PPP1R16A: variants seen among roughly 807,000 people sequenced by gnomAD.
PPP1R16A encodes myosin phosphatase-targeting subunit 3.
PPP1R16A carries 39 observed loss-of-function variants against 46.6 expected under a neutral mutation model. The observed-to-expected ratio is 0.84, with a 90% confidence interval of 0.65 to 1.09. The LOEUF (loss-of-function observed/expected upper bound fraction) is 1.09, where lower values mean the gene tolerates loss of function less well. PPP1R16A is among the 50% of genes least tolerant of loss of function. The pLI is 0.00. For missense variants in PPP1R16A, 798 were observed against 735.6 expected (o/e 1.08, Z -0.98); for synonymous variants, 413 against 321.5 (o/e 1.28, Z -3.04).
chr8:144,499,183 AC>A (rs1478760546), intron 5 of PPP1R16A, 122 bp downstream of exon 5: 1 of 1,263,216 alleles, frequency 7.9e-7, no homozygotes, highest in Non-Finnish European at 1.1e-6. Flanking sequence ...ACCTTTGCTG[AC>A]CCTGCCTGTG....
At chr8:144,492,110 T>C (rs1176354927) in intron 2 of PPP1R16A, among the ~76,000 whole-genome samples, 1 of 152,044 alleles carries the variant, frequency 6.6e-6, no homozygotes, top group Non-Finnish European at 1.5e-5. Flanking sequence ...GGGCAGGTGG[T>C]GTGGGGGCAC....
intron 1 of PPP1R16A, among the ~76,000 whole-genome samples, chr8:144,483,514 A>G (rs1479022927): frequency 6.6e-6 from 1 of 151,888 alleles, no homozygotes; most frequent in Non-Finnish European, 1.5e-5. Flanking sequence ...GATTCAAGTG[A>G]TTCTCGTGCC....
intron 1 of PPP1R16A, among the ~76,000 whole-genome samples, chr8:144,482,805 C>T (rs932773645): frequency 1.3e-5 from 2 of 152,116 alleles, no homozygotes; most frequent in African/African-American, 2.4e-5. Flanking sequence ...CCCGCCACCA[C>T]GTCCAGCTGA....
intron 5 of PPP1R16A, chr8:144,499,774 C>T (rs572076740): frequency 2.3e-4 from 78 of 335,016 alleles, no homozygotes; most frequent in African/African-American, 1.5e-3. Context: ...CTGCCTGGTC[C>T]TGCACCCCCG....
chr8:144,498,630 C>A, intron 3 of PPP1R16A, 140 bp from the exon 4 acceptor site: 2 of 796,302 alleles, frequency 2.5e-6, no homozygotes, highest in Non-Finnish European at 3.9e-6. Context: ...GTGCTTCTGC[C>A]CCCACCCCTG....
chr8:144,497,639 G>A, intron 3 of PPP1R16A, 186 bp downstream of exon 3: 1 of 802,654 alleles, frequency 1.2e-6, no homozygotes, highest in Non-Finnish European at 2.1e-6. Flanking sequence ...CCCAAGCAGT[G>A]GGCAGCCCTG....
At chr8:144,482,610 C>A (rs1037616360) in intron 1 of PPP1R16A, among the ~76,000 whole-genome samples, 4 of 151,992 alleles carry the variant, frequency 2.6e-5, no homozygotes, top group Non-Finnish European at 5.9e-5. Flanking sequence ...GCCTCAACCT[C>A]CCGAGTAGCT....
At chr8:144,488,470 T>C (rs909798196) in intron 1 of PPP1R16A, among the ~76,000 whole-genome samples, 1 of 151,870 alleles carries the variant, frequency 6.6e-6, no homozygotes, top group Admixed American at 6.6e-5. Context: ...TCAGGGCTTG[T>C]AGTAGCGAGC....
In PPP1R16A at chr8:144,493,601, C is replaced by T. The variant is rs1286561345; in HGVS notation, c.-734-2860C>T. On this transcript the variant is annotated intron_variant, in intron 2 of 11. Transcript: ENST00000435887. This position sits in a 1 kb window ranked among gnomAD's most constrained non-coding sequence, Gnocchi z 4.3. ...GGAGCCCTCAGCCCACTGCCGTGGG[C>T]CTTCGGCTGGCTGCTTCCTTCTGAG... Among the ~76,000 whole-genome samples the T allele has an allele frequency of 3.9e-5, 6 of 152,146 alleles. No individual in the cohort carries two copies. In the East Asian group the frequency reaches 9.6e-4, roughly 24 times the overall value.
At chr8:144,489,335 G>A (rs1825720905) in intron 1 of PPP1R16A, among the ~76,000 whole-genome samples, 1 of 88,110 alleles carries the variant, frequency 1.1e-5, no homozygotes, top group Non-Finnish European at 2.3e-5. Flanking sequence ...TGGTCTGGGA[G>A]GGGGGTTGGA....
intron 3 of PPP1R16A, 31 bp from the exon 4 acceptor site, chr8:144,498,723 CCTGACCAGGGGCAGGA>C (rs1826233679): frequency 1.3e-6 from 2 of 1,525,944 alleles, no homozygotes; most frequent in Non-Finnish European, 1.8e-6. Context: ...GTTGACAGGA[CCTGACCAGGGGCAGGA>C]CCCTGTCCTC....
chr8:144,499,996 A>C (rs1376631264), intron 5 of PPP1R16A, 100 bp from the exon 6 acceptor site: 17 of 1,250,548 alleles, frequency 1.4e-5, no homozygotes, highest in Non-Finnish European at 1.7e-5. Context: ...CCTGAGGGGC[A>C]GCCCTGGGCT....
In PPP1R16A at chr8:144,498,953, T is replaced by C. The variant is rs1826249847; in HGVS notation, c.368T>C (p.Leu123Pro). The C allele has an allele frequency of 6.2e-7, 1 of 1,612,476 alleles. No individual in the cohort carries two copies. ...GATTTCCGAGAGATGGTGCAGCAGC[T>C]CCTGGAGGCTGGGGCCAACATCAAT... ...IDDFREMVQQ[L>P]LEAGANINAC... Residue 123 changes from leucine to proline, a missense_variant, in exon 5 of 12, where the codon CTC becomes CCC. By Grantham distance (98) the Leu-to-Pro change is moderately conservative. Transcript: ENST00000435887.
Position 144,501,721 on chromosome 8 carries a change from C to T in PPP1R16A, c.1405C>T (p.Gln469Ter), listed in dbSNP as rs1222586221. ...GCGCCAGCGAGCTGCTGCCAAGCTG[C>T]AGCGACCCCCACCTGAGGGGCCCGA... ...LKRQRAAAKL[Q>*]RPPPEGPESP... is the part of the protein sequence containing the mutation. The change falls in exon 12 of 12, where the codon CAG becomes TAG. Residue 469 changes from glutamine (Q) to a stop codon, truncating the protein, a stop_gained. Transcript: ENST00000435887. LOFTEE classifies it low-confidence loss of function (END_TRUNC). 6.3e-7 allele frequency: 1 copy of T among 1,590,690 alleles called. No individual in the cohort carries two copies. Among genetic ancestry groups the T allele is most frequent in the Non-Finnish European group, 8.5e-7 (1 of 1,169,654 alleles).
At chr8:144,491,635 C>T (rs1320884956) in intron 2 of PPP1R16A, among the ~76,000 whole-genome samples, 3 of 151,970 alleles carry the variant, frequency 2.0e-5, no homozygotes, top group African/African-American at 4.8e-5. Flanking sequence ...TGGTGGCAGG[C>T]GCCTGTAGTT....
rs780294492 is a variant in PPP1R16A at position 144,501,108 on chromosome 8, CCTCTCCT to C, written c.1038-12_1038-6del. ...CCGGGCACTCCCCTTCCCCTCACTC[CCTCTCCT>C]CTCTCCTCCCCAGGAAGGTGGTGAG... On this transcript the variant is annotated splice_polypyrimidine_tract_variant and intron_variant, in intron 10 of 11. Transcript: ENST00000435887. 3.7e-6 allele frequency: 6 copies of C among 1,608,698 alleles called. No individual in the cohort carries two copies. The highest frequency in any genetic ancestry group is 1.1e-5 in the South Asian group (1 of 90,748).
chr8:144,479,284 AC>A (rs1268058800), intron 1 of PPP1R16A: 2 of 152,226 alleles, frequency 1.3e-5, no homozygotes, highest in African/African-American at 4.8e-5. Flanking sequence ...CTGGCTCCAT[AC>A]CTGTCACTGT....
At chr8:144,479,237 G>C (rs1309366862) in intron 1 of PPP1R16A, 3 of 152,606 alleles carry the variant, frequency 2.0e-5, no homozygotes, top group African/African-American at 7.2e-5. Flanking sequence ...TGGGTTGCCT[G>C]AGGGGCTGGG....
intron 1 of PPP1R16A, among the ~76,000 whole-genome samples, chr8:144,482,892 C>T (rs556300518): frequency 6.6e-5 from 10 of 151,822 alleles, no homozygotes; most frequent in Admixed American, 2.6e-4. Flanking sequence ...ATGGTCCACC[C>T]GCCTCAGCCT....
Sources: allele counts gnomAD v4.1 joint callset (sites outside exome capture counted in the v4.1 genomes callset), GRCh38; gene constraint gnomAD v4.1.1; non-coding constraint Gnocchi (gnomAD v3.1); transcripts MANE v1.5; gene names NCBI Gene and HGNC (gene_info 2026-07-23, HGNC 2026-07-21).